Variants in VPS13B observed in about 807,000 individuals in gnomAD.
VPS13B encodes the protein vacuolar protein sorting 13 homolog B.
In VPS13B, 285 loss-of-function variants were observed where a neutral mutation model predicts 426.4. The observed-to-expected ratio is 0.67, with a 90% CI of 0.61 to 0.74. The LOEUF (loss-of-function observed/expected upper bound fraction) is 0.74. Among genes scored for constraint, VPS13B ranks in the 30% least tolerant of loss-of-function variants. VPS13B has a pLI of 0.00. For missense variants in VPS13B, 4,537 were observed against 4,782.6 expected, an observed-to-expected ratio of 0.95 and a Z score of 1.51; for synonymous variants, 1,676 against 1,676.4, an observed-to-expected ratio of 1.00 and a Z score of 0.01.
At chr8:99,666,715 A>G (rs185020696) in intron 35 of VPS13B, among the ~76,000 whole-genome samples, 130 of 152,330 alleles carry the variant, frequency 8.5e-4, no homozygotes, top group Non-Finnish European at 1.3e-3. Flanking sequence ...CTGAATGGGC[A>G]AAAACTGGAA....
At chr8:99,578,217 G>T (rs1158263046) in intron 33 of VPS13B, among the ~76,000 whole-genome samples, 3 of 152,022 alleles carry the variant, frequency 2.0e-5, no homozygotes, top group African/African-American at 7.2e-5. Flanking sequence ...TATTTTCTTT[G>T]CATTTTGTTT....
intron 47 of VPS13B, 79 bp downstream of exon 47, chr8:99,818,967 G>A (rs900018608): frequency 1.2e-5 from 12 of 1,023,432 alleles, no homozygotes; most frequent in African/African-American, 1.1e-4. Flanking sequence ...ACTGGGGGGC[G>A]GCGGGGGAGG....
At chr8:99,249,912 C>T (rs772067057) in intron 17 of VPS13B, among the ~76,000 whole-genome samples, 40 of 150,748 alleles carry the variant, frequency 2.7e-4, no homozygotes, top group Non-Finnish European at 1.6e-4. Flanking sequence ...ATGTCTCTTG[C>T]GGTTGGGGGT....
chr8:99,033,196 C>A (rs1360287982), intron 2 of VPS13B, among the ~76,000 whole-genome samples: 1 of 152,166 alleles, frequency 6.6e-6, no homozygotes, highest in Non-Finnish European at 1.5e-5. Context: ...GCCTAATGAA[C>A]TTCCTTTAAT....
chr8:99,820,171 G>A (rs1317793007), intron 49 of VPS13B, 49 bp downstream of exon 49: 1 of 1,563,454 alleles, frequency 6.4e-7, no homozygotes, highest in South Asian at 1.1e-5. Flanking sequence ...TCAACAAGTA[G>A]ATTTTATTGT....
At chr8:99,624,010 T>A (rs71202870) in intron 33 of VPS13B, among the ~76,000 whole-genome samples, 5,318 of 120,782 alleles carry the variant, frequency 0.044, 50 homozygotes, top group Non-Finnish European at 0.048. Flanking sequence ...TATATATATT[T>A]TTTTTTTTTT....
chr8:99,837,320 G>A (rs949004949), intron 54 of VPS13B, among the ~76,000 whole-genome samples: 5 of 152,046 alleles, frequency 3.3e-5, no homozygotes, highest in African/African-American at 7.2e-5. Context: ...CTGTGTTCAG[G>A]GGCTGAACAG....
At chr8:99,833,839 C>T (rs1362386798) in intron 52 of VPS13B, among the ~76,000 whole-genome samples, 1 of 152,218 alleles carries the variant, frequency 6.6e-6, no homozygotes, top group African/African-American at 2.4e-5. Context: ...AGTCCTGGCC[C>T]TAGCCTTCTT....
intron 34 of VPS13B, among the ~76,000 whole-genome samples, chr8:99,645,399 T>C (rs766601391): frequency 7.9e-5 from 12 of 152,228 alleles, no homozygotes; most frequent in Non-Finnish European, 1.6e-4. Flanking sequence ...CAATATCATA[T>C]AGTGAAAAGA....
chr8:99,095,045 G>A (rs1426207908), intron 3 of VPS13B, among the ~76,000 whole-genome samples: 2 of 152,074 alleles, frequency 1.3e-5, no homozygotes, highest in Non-Finnish European at 2.9e-5. Context: ...TCTTCGTAAT[G>A]CCTATCTTCG....
At chr8:99,540,511 C>T (rs1479983084) in intron 30 of VPS13B, among the ~76,000 whole-genome samples, 3 of 152,150 alleles carry the variant, frequency 2.0e-5, no homozygotes, top group Non-Finnish European at 2.9e-5. Context: ...TCATTGTTCT[C>T]AGTTCATAAA....
At chr8:99,169,109 G>A (rs1479653215) in intron 15 of VPS13B, among the ~76,000 whole-genome samples, 1 of 151,934 alleles carries the variant, frequency 6.6e-6, no homozygotes, top group East Asian at 1.9e-4. Flanking sequence ...CTTCACAGTT[G>A]ATATTAATTC....
chr8:99,612,437 C>T (rs985932913), intron 33 of VPS13B, among the ~76,000 whole-genome samples: 1 of 152,174 alleles, frequency 6.6e-6, no homozygotes, highest in African/African-American at 2.4e-5. Context: ...GTGGTCCTTA[C>T]TACTATGCCA....
intron 21 of VPS13B, among the ~76,000 whole-genome samples, chr8:99,416,181 C>T (rs7462943): frequency 0.055 from 8,317 of 152,232 alleles, 265 homozygotes; most frequent in African/African-American, 0.089. Flanking sequence ...GGGCTCTTCC[C>T]AGTTCAGACT....
At chr8:99,626,956 CTG>C (rs1395221015) in intron 33 of VPS13B, among the ~76,000 whole-genome samples, 1 of 152,164 alleles carries the variant, frequency 6.6e-6, no homozygotes, top group Non-Finnish European at 1.5e-5. Context: ...GGGGAAAATT[CTG>C]TCTTTTGTGA....
At chr8:99,248,195 T>C (rs1817321231) in intron 17 of VPS13B, among the ~76,000 whole-genome samples, 1 of 152,228 alleles carries the variant, frequency 6.6e-6, no homozygotes, top group Non-Finnish European at 1.5e-5. Flanking sequence ...TATAATAGCC[T>C]GTCCCTATAA....
intron 19 of VPS13B, among the ~76,000 whole-genome samples, chr8:99,342,345 T>C (rs1393576252): frequency 2.0e-5 from 3 of 152,240 alleles, no homozygotes; most frequent in Non-Finnish European, 4.4e-5. Flanking sequence ...TCAACACTTA[T>C]GCCTCCTCTC....
chr8:99,791,733 A>C (rs1044930510), intron 43 of VPS13B, among the ~76,000 whole-genome samples: 3 of 151,568 alleles, frequency 2.0e-5, no homozygotes, highest in Admixed American at 6.6e-5. Flanking sequence ...AAAAAAAAAA[A>C]AAAAAAAAAA....
intron 2 of VPS13B, among the ~76,000 whole-genome samples, chr8:99,029,781 A>AAGAGGGAGAGGGAGAGGG (rs1397503052): frequency 1.4e-5 from 2 of 140,212 alleles, no homozygotes; most frequent in African/African-American, 5.4e-5. Context: ...AGACCGTGGA[A>AAGAGGGAGAGGGAGAGGG]AGAGGGAGAG....
Sources: gnomAD v4.1 joint callset for allele counts (sites outside exome capture counted in the v4.1 genomes callset) on GRCh38, gnomAD v4.1.1 for gene constraint, MANE v1.5 for transcripts, NCBI Gene and HGNC (gene_info 2026-07-23, HGNC 2026-07-21) for gene names.